CNTN5: variants seen among roughly 807,000 people sequenced by gnomAD.
CNTN5 encodes the protein contactin-5.
In CNTN5, 77 loss-of-function variants were observed where a neutral mutation model predicts 129.1. The observed-to-expected ratio is 0.60, with a 90% CI of 0.50 to 0.72. CNTN5 has a LOEUF of 0.72. Ranked by LOEUF, CNTN5 falls within the 30% of genes least tolerant of loss-of-function variation. CNTN5 has a pLI of 0.00. For missense variants in CNTN5, 1,478 were observed against 1,328.8 expected, an observed-to-expected ratio of 1.11 and a Z score of -1.75; for synonymous variants, 509 against 465.6, an observed-to-expected ratio of 1.09 and a Z score of -1.20.
intron 1 of CNTN5, among the ~76,000 whole-genome samples, chr11:99,113,668 C>A (rs1451329717): frequency 1.3e-5 from 2 of 152,040 alleles, no homozygotes; most frequent in East Asian, 3.9e-4. Flanking sequence ...ATATTTATGT[C>A]CTTGAAATGA....
intron 1 of CNTN5, among the ~76,000 whole-genome samples, chr11:99,259,977 T>C (rs1288460609): frequency 6.6e-6 from 1 of 151,720 alleles, no homozygotes; most frequent in African/African-American, 2.4e-5. Context: ...ATTTTCCTTG[T>C]CAATTTGTAA....
intron 13 of CNTN5, among the ~76,000 whole-genome samples, chr11:100,074,655 A>G (rs1177909699): frequency 6.6e-6 from 1 of 152,224 alleles, no homozygotes; most frequent in Admixed American, 6.5e-5. Context: ...TGATTTTAAT[A>G]CAAATGATAA....
intron 6 of CNTN5, among the ~76,000 whole-genome samples, chr11:99,872,205 C>T (rs1284679238): frequency 6.6e-6 from 1 of 151,872 alleles, no homozygotes; most frequent in African/African-American, 2.4e-5. Flanking sequence ...TAGGATTCAT[C>T]ACAAAATTAA....
intron 14 of CNTN5, 28 bp downstream of exon 14, chr11:100,191,281 A>G: frequency 7.5e-6 from 12 of 1,595,914 alleles, no homozygotes; most frequent in Non-Finnish European, 1.0e-5. Flanking sequence ...AATGTTTTAC[A>G]AGCATAGTCT....
intron 8 of CNTN5, among the ~76,000 whole-genome samples, chr11:100,001,125 G>C (rs1256075003): frequency 6.6e-6 from 1 of 152,192 alleles, no homozygotes; most frequent in Non-Finnish European, 1.5e-5. Flanking sequence ...AATTTCTGCA[G>C]CCGGGTTTAA....
At chr11:99,506,888 T>C (rs1219299032) in intron 2 of CNTN5, among the ~76,000 whole-genome samples, 2 of 152,126 alleles carry the variant, frequency 1.3e-5, no homozygotes, top group Non-Finnish European at 2.9e-5. Flanking sequence ...GAGAACAACC[T>C]GAGGGAATAT....
chr11:100,309,191 C>T (rs1176201290), intron 21 of CNTN5: 2 of 984,760 alleles, frequency 2.0e-6, no homozygotes, highest in Non-Finnish European at 2.4e-6. Flanking sequence ...AGCATCTGAC[C>T]CAAGACTTTA....
At chr11:99,596,082 C>A (rs937212416) in intron 3 of CNTN5, among the ~76,000 whole-genome samples, 1 of 152,060 alleles carries the variant, frequency 6.6e-6, no homozygotes, top group Non-Finnish European at 1.5e-5. Context: ...TTGGGTCTTG[C>A]CTTGGTGAAG....
At chr11:99,931,906 C>T (rs1392915888) in intron 7 of CNTN5, among the ~76,000 whole-genome samples, 1 of 152,104 alleles carries the variant, frequency 6.6e-6, no homozygotes, top group East Asian at 1.9e-4. Flanking sequence ...GCTAGTCCTC[C>T]CTATCTGTCA....
At chr11:100,321,769 A>G (rs1209488071) in intron 21 of CNTN5, among the ~76,000 whole-genome samples, 1 of 152,102 alleles carries the variant, frequency 6.6e-6, no homozygotes, top group Admixed American at 6.5e-5. Flanking sequence ...AAAATGTTGA[A>G]TTTGTCAAAT....
chr11:100,161,919 C>T (rs1947469018), intron 13 of CNTN5, among the ~76,000 whole-genome samples: 1 of 150,928 alleles, frequency 6.6e-6, no homozygotes. Flanking sequence ...ATTGACTGGT[C>T]TTGGAACTGC....
intron 1 of CNTN5, among the ~76,000 whole-genome samples, chr11:99,082,187 G>T (rs977952682): frequency 7.5e-6 from 1 of 133,268 alleles, no homozygotes; most frequent in African/African-American, 3.1e-5. Flanking sequence ...TTCTCCAAAA[G>T]CTTTTTTTTT....
At chr11:99,351,541 T>A (rs1938298706) in intron 2 of CNTN5, among the ~76,000 whole-genome samples, 1 of 152,174 alleles carries the variant, frequency 6.6e-6, no homozygotes, top group South Asian at 2.1e-4. Context: ...TGTTTAATTA[T>A]AACATATATA....
At chr11:99,671,410 A>C (rs1350664925) in intron 3 of CNTN5, among the ~76,000 whole-genome samples, 1 of 152,156 alleles carries the variant, frequency 6.6e-6, no homozygotes, top group African/African-American at 2.4e-5. Flanking sequence ...TAAGCACTCT[A>C]AGTGTATGAA....
chr11:99,505,222 G>C (rs998678860), intron 2 of CNTN5, among the ~76,000 whole-genome samples: 5 of 152,060 alleles, frequency 3.3e-5, no homozygotes, highest in African/African-American at 1.2e-4. Flanking sequence ...ACCATTTATT[G>C]CTTTTATATG....
intron 13 of CNTN5, among the ~76,000 whole-genome samples, chr11:100,088,052 T>A (rs199711130): frequency 6.9e-6 from 1 of 144,974 alleles, no homozygotes; most frequent in African/African-American, 2.6e-5. Context: ...AAAAAAAAAA[T>A]TCTTTGAAAT....
At chr11:99,319,722 A>T (rs1462324393) in intron 1 of CNTN5, among the ~76,000 whole-genome samples, 1 of 152,170 alleles carries the variant, frequency 6.6e-6, no homozygotes, top group Non-Finnish European at 1.5e-5. Flanking sequence ...TAAAAACCAT[A>T]TCTAGACATT....
chr11:99,673,446 CT>C (rs986415907), intron 3 of CNTN5, among the ~76,000 whole-genome samples: 1 of 152,050 alleles, frequency 6.6e-6, no homozygotes, highest in Non-Finnish European at 1.5e-5. Flanking sequence ...GGCATTTCTC[CT>C]TTTTTAAGTT....
chr11:99,464,676 A>G (rs1408185318), intron 2 of CNTN5, among the ~76,000 whole-genome samples: 1 of 152,194 alleles, frequency 6.6e-6, no homozygotes, highest in Non-Finnish European at 1.5e-5. Flanking sequence ...GGGAACCTAC[A>G]GATTCAATTG....
Sources: gnomAD v4.1 joint callset for allele counts (sites outside exome capture counted in the v4.1 genomes callset) on GRCh38, gnomAD v4.1.1 for gene constraint, MANE v1.5 for transcripts, NCBI Gene and HGNC (gene_info 2026-07-23, HGNC 2026-07-21) for gene names.